FGFR1: variants seen among roughly 807,000 people sequenced by gnomAD.
FGFR1 encodes fibroblast growth factor receptor 1.
A neutral mutation model predicts 93.7 loss-of-function variants in FGFR1; 18 were observed. The observed-to-expected ratio is 0.19, with a 90% CI of 0.13 to 0.28. FGFR1 has a LOEUF of 0.28. FGFR1 is among the 10% of genes least tolerant of loss of function. The pLI is 1.00. For synonymous variants in FGFR1, 448 were observed against 429.3 expected, an observed-to-expected ratio of 1.04 and a Z score of -0.54; for missense variants, 731 against 1,080.4, an observed-to-expected ratio of 0.68 and a Z score of 4.53.
Position 38,413,160 on chromosome 8 carries a change from C to A in FGFR1, c.*468G>T. 4.1e-6 allele frequency: 1 copy of A among 244,256 alleles called. No individual in the cohort carries two copies. The highest frequency in any genetic ancestry group is 8.0e-6 in the Non-Finnish European group (1 of 124,826). The allele number at this position is 244,256 out of a possible 1,614,324, so 15.1% of individuals were successfully genotyped here. On this transcript the variant is annotated 3_prime_UTR_variant, in exon 18 of 18. Transcript: ENST00000447712. This position sits in a 1 kb window ranked among gnomAD's most constrained non-coding sequence, Gnocchi z 4.2. ...GGCACCACCTATCTGGGGCAGAGGTCACCTTCAATCGAGGCACGAAGCACT... is the reference window on the plus strand; with the variant it reads ...GGCACCACCTATCTGGGGCAGAGGTAACCTTCAATCGAGGCACGAAGCACT...
At chr8:38,451,887 A>T (rs930299849) in intron 2 of FGFR1, among the ~76,000 whole-genome samples, 1 of 152,042 alleles carries the variant, frequency 6.6e-6, no homozygotes, top group African/African-American at 2.4e-5. Context: ...AGACAGACAA[A>T]TGCACCCTCT....
intron 11 of FGFR1, chr8:38,417,663 G>T: frequency 1.3e-6 from 1 of 779,860 alleles, no homozygotes; most frequent in Non-Finnish European, 2.1e-6. Flanking sequence ...CCTGACCACA[G>T]CCCAGGTTGA....
Position 38,440,566 on chromosome 8 carries a change from G to A in FGFR1, c.92-10618C>T, listed in dbSNP as rs559698372. Among the ~76,000 whole-genome samples the A allele has an allele frequency of 0.011, 1,718 of 151,762 alleles. 15 individuals carry two copies. The highest frequency in any genetic ancestry group is 0.037 in the Middle Eastern group (11 of 294). ...ACCAGCCCCCCGACCCAGGGGATTT[G>A]GAGAAGGGCTTTTTTTTTTTTTTTA... On this transcript the variant is annotated intron_variant, in intron 2 of 17. Coordinates refer to ENST00000447712, the MANE Select transcript of FGFR1 (RefSeq NM_023110.3).
chr8:38,451,467 A>G (rs1454238460), intron 2 of FGFR1, among the ~76,000 whole-genome samples: 1 of 152,132 alleles, frequency 6.6e-6, no homozygotes, highest in Non-Finnish European at 1.5e-5. Context: ...GAGGACCTGC[A>G]AGGGCCCTAT....
intron 13 of FGFR1, among the ~76,000 whole-genome samples, chr8:38,415,135 C>T (rs1036552478): frequency 2.0e-5 from 3 of 152,210 alleles, no homozygotes; most frequent in African/African-American, 7.2e-5. Flanking sequence ...GCCTCTGCTG[C>T]GTCTGCAGCG....
intron 1 of FGFR1, among the ~76,000 whole-genome samples, chr8:38,457,950 T>TC (rs1305421604): frequency 3.3e-5 from 5 of 152,120 alleles, no homozygotes; most frequent in Non-Finnish European, 4.4e-5. Flanking sequence ...ACCACTGCAC[T>TC]CCAACCTGGG....
intron 2 of FGFR1, among the ~76,000 whole-genome samples, chr8:38,454,616 A>G (rs146182838): frequency 6.6e-6 from 1 of 152,124 alleles, no homozygotes; most frequent in Non-Finnish European, 1.5e-5. Context: ...CTAGCCAGAC[A>G]CTCAAAATAA....
At position 38,413,810 on chromosome 8, in the gene FGFR1, A is replaced by T. The variant is rs2150512800; in HGVS notation, c.2293-6T>A. 6.2e-7 allele frequency: 1 copy of T among 1,613,946 alleles called. No homozygotes were observed. The highest frequency in any genetic ancestry group is 8.5e-7 in the Non-Finnish European group (1 of 1,179,932). The stretch of plus-strand genomic sequence containing the variant: ...ATGGACAGGTCCAGGTACTCCTGTG[A>T]TGGGCGAGAGGAAGCAGCGATGGGC... On this transcript the variant is annotated splice_polypyrimidine_tract_variant and splice_region_variant and intron_variant, in intron 17 of 17. Transcript: ENST00000447712. The surrounding 1 kb of genome is among the most constrained non-coding windows in gnomAD (Gnocchi z 4.2).
chr8:38,438,279 T>A (rs1826105227), intron 2 of FGFR1, among the ~76,000 whole-genome samples: 2 of 152,198 alleles, frequency 1.3e-5, no homozygotes, highest in African/African-American at 4.8e-5. Context: ...CAGTGGCTAA[T>A]GCCTGTAATC....
intron 7 of FGFR1, chr8:38,423,201 T>C (rs1819445615): frequency 3.9e-6 from 3 of 776,782 alleles, no homozygotes; most frequent in Non-Finnish European, 7.2e-6. Flanking sequence ...GACACACCAG[T>C]CAGTTGGGCA....
Position 38,413,521 on chromosome 8 carries a change from C to G in FGFR1, c.*107G>C. 6.0e-6 allele frequency: 8 copies of G among 1,334,112 alleles called. No individual in the cohort carries two copies. Among genetic ancestry groups the G allele is most frequent in the Non-Finnish European group, 8.2e-6 (8 of 980,152 alleles). The allele number at this position is 1,334,112 out of a possible 1,614,324, so 82.6% of individuals were successfully genotyped here. A position where few individuals can be genotyped will look rare whatever the true frequency, so the allele number is the denominator to read the frequency against. On this transcript the variant is annotated 3_prime_UTR_variant, in exon 18 of 18. Coordinates refer to ENST00000447712, the MANE Select transcript of FGFR1 (RefSeq NM_023110.3). The surrounding 1 kb of genome is among the most constrained non-coding windows in gnomAD (Gnocchi z 4.2). ...AAGGCCCCTGGTAGGCAGCCGGCTC[C>G]TGCCAGCAGGAAAGGGGACAGGGAC...
chr8:38,422,862 C>A, intron 7 of FGFR1: 1 of 596,782 alleles, frequency 1.7e-6, no homozygotes, highest in Non-Finnish European at 3.0e-6. Context: ...AACACAATAC[C>A]AAACCAAACC....
chr8:38,414,330 C>T (rs764985463), intron 15 of FGFR1, 41 bp from the exon 16 acceptor site: 15 of 1,613,586 alleles, frequency 9.3e-6, no homozygotes, highest in Admixed American at 3.3e-5. Flanking sequence ...AGAGCTTCTC[C>T]GCCTCCCCTC....
rs1820154045 is a variant in FGFR1 at position 38,424,824 on chromosome 8, G to C, written c.746-125C>G. ...TTGTAAACCTCCCAGCACTTCTGCT[G>C]AGCCCAAGCCTCTCAAAACAGAGCT... On this transcript the variant is annotated intron_variant, in intron 6 of 17. Coordinates refer to ENST00000447712, the MANE Select transcript of FGFR1 (RefSeq NM_023110.3). The surrounding 1 kb of genome is among the most constrained non-coding windows in gnomAD (Gnocchi z 4.3). 3.1e-6 allele frequency: 3 copies of C among 958,252 alleles called. No homozygotes were observed. Among genetic ancestry groups the C allele is most frequent in the Non-Finnish European group, 4.6e-6 (3 of 645,788 alleles). The allele number at this position is 958,252 out of a possible 1,614,324, so 59.4% of individuals were successfully genotyped here.
chr8:38,460,191 C>G (rs1390550270), intron 1 of FGFR1, among the ~76,000 whole-genome samples: 1 of 152,092 alleles, frequency 6.6e-6, no homozygotes, highest in Non-Finnish European at 1.5e-5. Flanking sequence ...TCAAAACTAA[C>G]TAACTAAAAG....
At chr8:38,467,560 C>T (rs1835820277) in intron 1 of FGFR1, 1 of 235,046 alleles carries the variant, frequency 4.3e-6, no homozygotes, top group Non-Finnish European at 8.4e-6. Context: ...AACACACACA[C>T]ATAACACACA....
At chr8:38,421,641 T>A (rs2150746251) in intron 8 of FGFR1, 156 bp downstream of exon 8, 1 of 805,294 alleles carries the variant, frequency 1.2e-6, no homozygotes, top group East Asian at 2.6e-5. Flanking sequence ...CTGAGAGGAT[T>A]CAGCCCTCAA....
chr8:38,418,280 C>A lies in FGFR1; in HGVS notation c.1378G>T (p.Val460Phe), dbSNP rs775445657. 2 of 1,614,214 alleles carry A rather than the reference C, an allele frequency of 1.2e-6. No homozygotes were observed. Among genetic ancestry groups the A allele is most frequent in the Non-Finnish European group, 1.7e-6 (2 of 1,180,032 alleles). The change falls in exon 10 of 18, where the codon GTC (valine) becomes TTC (phenylalanine). Residue 460 changes from valine to phenylalanine, a missense_variant. Around this residue, in one of 10 missense-constraint regions of FGFR1, gnomAD observed 146 missense variants for 173.0 expected, o/e 0.84. Coordinates refer to ENST00000447712, the MANE Select transcript of FGFR1 (RefSeq NM_023110.3). ...SSSGTPMLAG[V>F]SEYELPEDPR... ...TCTTCGGGAAGCTCATACTCAGAGA[C>A]CCCTGCTAGCATGGGAGTCCCACTG... is the stretch of plus-strand genomic sequence containing the variant.
rs1232202232 is a variant in FGFR1 at position 38,413,643 on chromosome 8, T to A, written c.2454A>T (p.Gly818=). The change falls in exon 18 of 18, where the codon GGA becomes GGT. Residue 818 remains glycine (G), a synonymous_variant. Coordinates refer to ENST00000447712, the MANE Select transcript of FGFR1 (RefSeq NM_023110.3). This position sits in a 1 kb window ranked among gnomAD's most constrained non-coding sequence, Gnocchi z 4.2. Reference sequence around the variant, plus strand: ...TGGGTGGCAGTCAGCGGCGTTTGAGTCCGCCATTGGCAAGCTGGGCTGGGT... The same window carrying A: ...TGGGTGGCAGTCAGCGGCGTTTGAGACCGCCATTGGCAAGCTGGGCTGGGT... ...PRHPAQLANG[G]LKRR 3.1e-6 allele frequency: 5 copies of A among 1,611,126 alleles called. No individual in the cohort carries two copies. The East Asian group carries it at 1.1e-4, about 36-fold the overall frequency.
Sources: allele counts gnomAD v4.1 joint callset (sites outside exome capture counted in the v4.1 genomes callset), GRCh38; gene constraint gnomAD v4.1.1; regional missense constraint gnomAD v4.1.1; non-coding constraint Gnocchi (gnomAD v3.1); transcripts MANE v1.5; gene names NCBI Gene and HGNC (gene_info 2026-07-23, HGNC 2026-07-21).